The following TSHR variants were observed in gnomAD, a reference collection of about 807,000 sequenced individuals.
The protein encoded by TSHR is thyrotropin receptor.
A neutral mutation model predicts 64.1 loss-of-function variants in TSHR; 51 were observed. The ratio of observed to expected loss-of-function variants is 0.80; its 90% CI spans 0.64 to 1.01. The LOEUF (loss-of-function observed/expected upper bound fraction) is 1.01. Among genes scored for constraint, TSHR ranks in the 50% least tolerant of loss-of-function variants. The probability of loss-of-function intolerance (pLI) is 0.00; values close to 1 mark genes in which losing one functional copy is unlikely to be tolerated. For synonymous variants in TSHR, 361 were observed against 361.9 expected (o/e 1.00, Z 0.03); for missense variants, 877 against 942.8 (o/e 0.93, Z 0.91).
Position 81,092,589 on chromosome 14 carries a change from T to C in TSHR, c.526T>C (p.Cys176Arg). The change falls in exon 6 of 10, where the codon TGC becomes CGC. Residue 176 changes from cysteine to arginine, a missense_variant. Coordinates refer to ENST00000298171, the MANE Select transcript of TSHR (RefSeq NM_000369.5). ...CCCTGTGAATGCTTTTCAGGGACTA[T>C]GCAATGAAACCTTGACACTGTGAGT... ...SIPVNAFQGLCNETLTLKLYN... is the reference protein window; with the variant it reads ...SIPVNAFQGLRNETLTLKLYN... The C allele has an allele frequency of 1.2e-6, 2 of 1,614,078 alleles. No individual in the cohort carries two copies. Among genetic ancestry groups the C allele is most frequent in the South Asian group, 1.1e-5 (1 of 91,082 alleles).
chr14:81,077,191 G>C (rs1035233441), intron 3 of TSHR, among the ~76,000 whole-genome samples: 6 of 152,156 alleles, frequency 3.9e-5, no homozygotes, highest in African/African-American at 1.4e-4. Context: ...CTAAAATTTA[G>C]TATGACAATG....
chr14:81,003,627 C>A lies in TSHR; in HGVS notation c.170+47777C>A, dbSNP rs969981872. On this transcript the variant is annotated intron_variant, in intron 1 of 9. Transcript: ENST00000298171. ...CCTGATTTTGAGGGGTTTTCTGGGTCGAGTGAATAGCAAACCATTTTCACA... is the reference window on the plus strand; with the variant it reads ...CCTGATTTTGAGGGGTTTTCTGGGTAGAGTGAATAGCAAACCATTTTCACA... The A allele has an allele frequency of 3.2e-5, 6 of 185,132 alleles. No homozygotes were observed. In the East Asian group the frequency reaches 6.5e-4, roughly 20 times the overall value. The allele number at this position is 185,132 out of a possible 1,614,324, so 11.5% of individuals were successfully genotyped here.
intron 1 of TSHR, chr14:80,982,360 A>G: frequency 8.0e-7 from 1 of 1,245,090 alleles, no homozygotes; most frequent in Non-Finnish European, 1.1e-6. Flanking sequence ...CTGGTTCTGA[A>G]ATGGAGAAGA....
At chr14:81,020,459 C>T (rs1355993675) in intron 1 of TSHR, among the ~76,000 whole-genome samples, 1 of 152,180 alleles carries the variant, frequency 6.6e-6, no homozygotes, top group Non-Finnish European at 1.5e-5. Flanking sequence ...GCATTAGATT[C>T]TTATAGGAAA....
At position 81,145,620 on chromosome 14, in the gene TSHR, G is replaced by C. The variant is rs1316549247; in HGVS notation, c.*1267G>C. 8.6e-6 allele frequency: 2 copies of C among 233,008 alleles called. No homozygotes were observed. The highest frequency in any genetic ancestry group is 6.0e-5 in the East Asian group (1 of 16,562). 14.4% of individuals were successfully genotyped at this position (233,008 alleles called of 1,614,324 possible). A position where few individuals can be genotyped will look rare whatever the true frequency, so the allele number is the denominator to read the frequency against. ...AGAGTCACTTCAAAACACTTCGCTT[G>C]TCTTTAGGGATGATTTTTGCCATTT... On this transcript the variant is annotated 3_prime_UTR_variant, in exon 10 of 10. Transcript: ENST00000298171.
At chr14:81,091,544 G>C (rs565200040) in intron 5 of TSHR, among the ~76,000 whole-genome samples, 1 of 152,338 alleles carries the variant, frequency 6.6e-6, no homozygotes, top group African/African-American at 2.4e-5. Context: ...TTAAATGGAA[G>C]AAATTATGCA....
chr14:81,000,056 C>T (rs1183946767), intron 1 of TSHR, among the ~76,000 whole-genome samples: 2 of 151,618 alleles, frequency 1.3e-5, no homozygotes, highest in East Asian at 1.9e-4. Flanking sequence ...CTCAGACTCC[C>T]GAGTAGCTGG....
intron 1 of TSHR, among the ~76,000 whole-genome samples, chr14:81,041,370 G>T (rs376917802): frequency 8.5e-5 from 13 of 152,238 alleles, no homozygotes; most frequent in Admixed American, 3.9e-4. Flanking sequence ...CCTTTGCAGG[G>T]ACATGGATGA....
intron 1 of TSHR, 100 bp downstream of exon 1, chr14:80,955,950 G>A: frequency 2.2e-6 from 3 of 1,369,446 alleles, no homozygotes; most frequent in South Asian, 2.4e-5. Flanking sequence ...GCCCGAAGTA[G>A]TGTGTGAGTG....
intron 1 of TSHR, among the ~76,000 whole-genome samples, chr14:80,970,885 T>A (rs571869188): frequency 1.2e-4 from 18 of 152,276 alleles, no homozygotes; most frequent in African/African-American, 3.9e-4. Context: ...GTAGTTCATT[T>A]TTTGGCTGGC....
intron 3 of TSHR, among the ~76,000 whole-genome samples, chr14:81,085,716 G>A (rs1888238948): frequency 1.3e-5 from 2 of 152,124 alleles, no homozygotes; most frequent in South Asian, 2.1e-4. Context: ...GTCTCTTGTG[G>A]AGCAATTTTC....
intron 8 of TSHR, among the ~76,000 whole-genome samples, chr14:81,128,275 T>C (rs1175091578): frequency 6.6e-6 from 1 of 152,196 alleles, no homozygotes; most frequent in Non-Finnish European, 1.5e-5. Context: ...AACTATTCAA[T>C]AGAAAGTATT....
At chr14:81,082,465 A>AAAGTC (rs1429128539) in intron 3 of TSHR, among the ~76,000 whole-genome samples, 1 of 152,202 alleles carries the variant, frequency 6.6e-6, no homozygotes, top group Non-Finnish European at 1.5e-5. Flanking sequence ...AATGTGTATA[A>AAAGTC]AAGTCAAGTG....
At chr14:81,117,576 A>G (rs1425201603) in intron 8 of TSHR, among the ~76,000 whole-genome samples, 1 of 141,008 alleles carries the variant, frequency 7.1e-6, no homozygotes, top group Non-Finnish European at 1.5e-5. Context: ...ATGGATTCAC[A>G]GCCGAATTCT....
chr14:81,145,930 G>C lies in TSHR; in HGVS notation c.*1577G>C, dbSNP rs539662628. The C allele has an allele frequency of 8.2e-5, 19 of 232,334 alleles. 1 individual carries two copies. The South Asian group carries it at 2.9e-3, about 35-fold the overall frequency. 14.4% of individuals were successfully genotyped at this position (232,334 alleles called of 1,614,324 possible). On this transcript the variant is annotated 3_prime_UTR_variant, in exon 10 of 10. Transcript: ENST00000298171. ...AAAAGCTCTTTGTTGTTTTAAGATT[G>C]TGAAGTGTCGTTAATGGGTCCCCAC...
intron 1 of TSHR, chr14:80,983,424 G>A (rs1227089801): frequency 1.6e-6 from 2 of 1,239,384 alleles, no homozygotes; most frequent in Admixed American, 2.3e-5. Context: ...AAATCCAACT[G>A]CAGCCAGAGA....
chr14:81,056,336 C>T (rs2139879079), intron 1 of TSHR, among the ~76,000 whole-genome samples: 1 of 152,256 alleles, frequency 6.6e-6, no homozygotes, highest in South Asian at 2.1e-4. Context: ...GATTGGAAAA[C>T]TACACAGGAA....
chr14:81,023,408 T>A (rs751131391), intron 1 of TSHR, among the ~76,000 whole-genome samples: 3 of 152,106 alleles, frequency 2.0e-5, no homozygotes, highest in Non-Finnish European at 2.9e-5. Flanking sequence ...AACCACATCA[T>A]CAGGGTTTTC....
At chr14:81,141,383 C>T (rs749800245) in intron 9 of TSHR, among the ~76,000 whole-genome samples, 7 of 152,202 alleles carry the variant, frequency 4.6e-5, no homozygotes, top group Non-Finnish European at 7.3e-5. Flanking sequence ...AGAGATCACT[C>T]AAACTCTGCT....
Sources: allele counts gnomAD v4.1 joint callset (sites outside exome capture counted in the v4.1 genomes callset), GRCh38; gene constraint gnomAD v4.1.1; transcripts MANE v1.5; gene names NCBI Gene and HGNC (gene_info 2026-07-23, HGNC 2026-07-21).